NBEAL2: variants seen among roughly 807,000 people sequenced by gnomAD.
NBEAL2 encodes the protein neurobeachin like 2, also known as neurobeachin-like protein 2.
A neutral mutation model predicts 299.8 loss-of-function variants in NBEAL2; 160 were observed. That is an observed-to-expected ratio of 0.53 (90% CI 0.47 to 0.61). NBEAL2 has a LOEUF of 0.61. Ranked by LOEUF, NBEAL2 falls within the 20% of genes least tolerant of loss-of-function variation. The pLI, the probability that NBEAL2 is intolerant of heterozygous loss-of-function variation, is 0.00. For missense variants in NBEAL2, 3,112 were observed against 3,649.0 expected, an observed-to-expected ratio of 0.85 and a Z score of 3.79; for synonymous variants, 1,493 against 1,542.3, an observed-to-expected ratio of 0.97 and a Z score of 0.75.
Position 46,995,933 on chromosome 3 carries a change from A to C in NBEAL2, c.2033A>C (p.His678Pro). Residue 678 changes from histidine (H) to proline (P), a missense_variant and splice_region_variant, in exon 15 of 54, where the codon CAC (histidine) becomes CCC (proline). By Grantham distance (77) the His-to-Pro change is moderately conservative. Transcript: ENST00000450053. ...PEVSFADSAWHCVAIVHVPGR... is the reference protein window; with the variant it reads ...PEVSFADSAWPCVAIVHVPGR... The stretch of plus-strand genomic sequence containing the variant: ...CCTAATGTGAGGCTTCTGTTCTAGC[A>C]CTGCGTGGCTATCGTCCATGTGCCT... 6.2e-7 allele frequency: 1 copy of C among 1,613,376 alleles called. No individual in the cohort carries two copies.
At position 47,002,151 on chromosome 3, in the gene NBEAL2, C is replaced by T; in HGVS notation, c.5014C>T (p.Leu1672=). 6.5e-7 allele frequency: 1 copy of T among 1,543,114 alleles called. No individual in the cohort carries two copies. Among genetic ancestry groups the T allele is most frequent in the East Asian group, 2.5e-5 (1 of 40,794 alleles). ...SWLVPLVRTL[L]DRAYEPLGLQ... is the part of the protein sequence containing the mutation. ...GCTGGTGCCACTGGTGCGCACGCTG[C>T]TAGACCGTGCCTATGAGCCGCTGGG... Residue 1672 remains leucine (L), a synonymous_variant, in exon 31 of 54, where the codon CTA becomes TTA. Transcript: ENST00000450053.
rs528681375 is a variant in NBEAL2 at position 46,992,544 on chromosome 3, G to T, written c.1102G>T (p.Asp368Tyr). 1 of 1,598,106 alleles carries T rather than the reference G, an allele frequency of 6.3e-7. No homozygotes were observed. Residue 368 changes from aspartate to tyrosine, a missense_variant, in exon 10 of 54, where the codon GAT becomes TAT. This residue lies in a region of NBEAL2 where 2,243 missense variants were observed against 2,538.1 expected (regional missense o/e 0.88). Coordinates refer to ENST00000450053, the MANE Select transcript of NBEAL2 (RefSeq NM_015175.3). ...DLATRLLTEP[D>Y]VQKVLDQDTD... ...GGCTACCCGGTTACTGACTGAGCCC[G>T]ATGTCCAAAAGGTACCATCCTGGGG...
At position 46,995,174 on chromosome 3, in the gene NBEAL2, A is replaced by G; in HGVS notation, c.1439A>G (p.Asp480Gly). Residue 480 changes from aspartate to glycine, a missense_variant, in exon 13 of 54, where the codon GAC becomes GGC. Physicochemically the swap from Asp to Gly is moderately conservative, Grantham distance 94 (BLOSUM62 -1). Coordinates refer to ENST00000450053, the MANE Select transcript of NBEAL2 (RefSeq NM_015175.3). Reference sequence around the variant, plus strand: ...GCGCAACGCCTCAGGTGGCTCTGTGACAGCTGCCCTGCCAGCCGTGCCACC... The same window carrying G: ...GCGCAACGCCTCAGGTGGCTCTGTGGCAGCTGCCCTGCCAGCCGTGCCACC... ...FLAQRLRWLC[D>G]SCPASRATCV... 6.4e-7 allele frequency: 1 copy of G among 1,565,842 alleles called. No homozygotes were observed. Among genetic ancestry groups the G allele is most frequent in the South Asian group, 1.2e-5 (1 of 85,300 alleles).
At position 47,001,467 on chromosome 3, in the gene NBEAL2, C is replaced by A. The variant is rs1373688097; in HGVS notation, c.4644+29C>A. Reference sequence around the variant, plus strand: ...CGACCCCTCAGAGAGGCGTGAGCCACATGAACACTCATGTTCATGCAAGCC... The same window carrying A: ...CGACCCCTCAGAGAGGCGTGAGCCAAATGAACACTCATGTTCATGCAAGCC... On this transcript the variant is annotated intron_variant, in intron 29 of 53. Coordinates refer to ENST00000450053, the MANE Select transcript of NBEAL2 (RefSeq NM_015175.3). This position sits in a 1 kb window ranked among gnomAD's most constrained non-coding sequence, Gnocchi z 6.1. 6.2e-7 allele frequency: 1 copy of A among 1,601,706 alleles called. No individual in the cohort carries two copies.
In NBEAL2 at chr3:47,004,625, C is replaced by T. The variant is rs753619481; in HGVS notation, c.6294+35C>T. 36 of 1,590,792 alleles carry T rather than the reference C, an allele frequency of 2.3e-5. No homozygotes were observed. Among genetic ancestry groups the T allele is most frequent in the Non-Finnish European group, 9.5e-6 (11 of 1,159,562 alleles). On this transcript the variant is annotated intron_variant, in intron 38 of 53. Transcript: ENST00000450053. The surrounding 1 kb of genome is among the most constrained non-coding windows in gnomAD (Gnocchi z 5.0). ...CCACTCTGCACCCCTCCACCCCTGCCCCTCTGACCTGTCAGCCCTTGGTTC... is the reference window on the plus strand; with the variant it reads ...CCACTCTGCACCCCTCCACCCCTGCTCCTCTGACCTGTCAGCCCTTGGTTC...
rs2037333297 is a variant in NBEAL2, at chr3:47,005,192, T to G, written c.6431T>G (p.Phe2144Cys). ...AACTGTGGCCCCAGGTATGAAAGCT[T>G]TGAGGACCCAGCAGGGACCATTGAC... ...AQLVREKYES[F>C]EDPAGTIDKF... The change falls in exon 40 of 54, where the codon TTT becomes TGT. Residue 2144 changes from phenylalanine to cysteine, a missense_variant. By Grantham distance (205) the Phe-to-Cys change is radical (BLOSUM62 -2). Around this residue, in one of 3 missense-constraint regions of NBEAL2, gnomAD observed 521 missense variants for 729.6 expected, o/e 0.71. Transcript: ENST00000450053. The G allele has an allele frequency of 6.2e-7, 1 of 1,613,678 alleles. No individual in the cohort carries two copies. The highest frequency in any genetic ancestry group is 1.3e-5 in the African/African-American group (1 of 74,912).
Position 47,007,228 on chromosome 3 carries a change from C to T in NBEAL2, c.7225-13C>T. On this transcript the variant is annotated splice_polypyrimidine_tract_variant and intron_variant, in intron 46 of 53. Coordinates refer to ENST00000450053, the MANE Select transcript of NBEAL2 (RefSeq NM_015175.3). ...TCTGCCAGAAACCCACCTCTGCCCC[C>T]TCCTGCCTGCAGGTGACTGTGAGTG... 1 of 1,610,638 alleles carries T rather than the reference C, an allele frequency of 6.2e-7. No homozygotes were observed. The highest frequency in any genetic ancestry group is 8.5e-7 in the Non-Finnish European group (1 of 1,178,340).
chr3:47,004,807 C>A lies in NBEAL2; in HGVS notation c.6295-165C>A. The A allele has an allele frequency of 8.5e-7, 1 of 1,169,632 alleles. No individual in the cohort carries two copies. Among genetic ancestry groups the A allele is most frequent in the Non-Finnish European group, 1.2e-6 (1 of 829,092 alleles). 72.5% of individuals were successfully genotyped at this position (1,169,632 alleles called of 1,614,324 possible). A position where few individuals can be genotyped will look rare whatever the true frequency, so the allele number is the denominator to read the frequency against. ...CTAGCCTCTATTCCTCAAAAGGAATCCTGTTCCAGGACACTCTGTCCTTCT... is the reference window on the plus strand; with the variant it reads ...CTAGCCTCTATTCCTCAAAAGGAATACTGTTCCAGGACACTCTGTCCTTCT... On this transcript the variant is annotated intron_variant, in intron 38 of 53. Transcript: ENST00000450053. This position sits in a 1 kb window ranked among gnomAD's most constrained non-coding sequence, Gnocchi z 5.0.
At chr3:46,983,524 G>C (rs1233410008) in intron 1 of NBEAL2, among the ~76,000 whole-genome samples, 1 of 152,050 alleles carries the variant, frequency 6.6e-6, no homozygotes, top group Non-Finnish European at 1.5e-5. Flanking sequence ...TGGCTAGGCT[G>C]CTCTCAAACT....
At position 46,995,647 on chromosome 3, in the gene NBEAL2, A is replaced by G; in HGVS notation, c.1898+14A>G. On this transcript the variant is annotated intron_variant, in intron 13 of 53. Transcript: ENST00000450053. ...GCAGCTGTACAGGTGGGTGACTGCCAGGGGCCAGGGACCTCCTGCCAGGGT... is the reference window on the plus strand; with the variant it reads ...GCAGCTGTACAGGTGGGTGACTGCCGGGGGCCAGGGACCTCCTGCCAGGGT... The G allele has an allele frequency of 3.1e-6, 5 of 1,609,096 alleles. No homozygotes were observed. The highest frequency in any genetic ancestry group is 2.2e-5 in the East Asian group (1 of 44,766).
chr3:47,008,043 T>C, intron 49 of NBEAL2, 27 bp from the exon 50 acceptor site: 1 of 1,611,644 alleles, frequency 6.2e-7, no homozygotes, highest in Non-Finnish European at 8.5e-7. Context: ...CAGGGGACAG[T>C]CCTAAGCCAA....
chr3:47,005,310 G>T lies in NBEAL2; in HGVS notation c.6549G>T (p.Leu2183=). Residue 2183 remains leucine (L), a synonymous_variant, in exon 40 of 54, where the codon CTG becomes CTT. Transcript: ENST00000450053. ...CCTTCACCTCCCTGCACGTCCAGCTGCAAAGTGGCCGGTGCGGCCCAGGGG... is the reference window on the plus strand; with the variant it reads ...CCTTCACCTCCCTGCACGTCCAGCTTCAAAGTGGCCGGTGCGGCCCAGGGG... ...VEPFTSLHVQ[L]QSGRFDCSDR... 1 of 1,612,298 alleles carries T rather than the reference G, an allele frequency of 6.2e-7. No individual in the cohort carries two copies. The highest frequency in any genetic ancestry group is 1.7e-5 in the Admixed American group (1 of 59,866).
rs1238358405 is a variant in NBEAL2, at chr3:46,999,301, T to A, written c.3544-14T>A. On this transcript the variant is annotated splice_polypyrimidine_tract_variant and intron_variant, in intron 24 of 53. Coordinates refer to ENST00000450053, the MANE Select transcript of NBEAL2 (RefSeq NM_015175.3). ...CTTCCACATGATGACAGTCCTCCGA[T>A]GACCCCCACACAGATCCTGCGCAGA... 1 of 1,591,892 alleles carries A rather than the reference T, an allele frequency of 6.3e-7. No homozygotes were observed. The highest frequency in any genetic ancestry group is 2.2e-5 in the East Asian group (1 of 44,484).
At chr3:46,985,723 G>A (rs749909038) in intron 1 of NBEAL2, among the ~76,000 whole-genome samples, 7 of 152,332 alleles carry the variant, frequency 4.6e-5, no homozygotes, top group South Asian at 2.1e-4. Flanking sequence ...GGCTTGGCAG[G>A]TGTGGCTGCT....
intron 1 of NBEAL2, among the ~76,000 whole-genome samples, chr3:46,983,022 C>T (rs2035451398): frequency 1.3e-5 from 2 of 152,142 alleles, no homozygotes; most frequent in South Asian, 4.1e-4. Context: ...AGCAACCCCT[C>T]CAGTGAATGG....
In NBEAL2 at chr3:47,002,306, C is replaced by A. The variant is rs372837981; in HGVS notation, c.5151+18C>A. ...ACAAACAGGTGCCTGGAGGTTGGGG[C>A]CCAGGAAGAGGAGTGGGGGCTGGGG... is the stretch of plus-strand genomic sequence containing the variant. On this transcript the variant is annotated intron_variant, in intron 31 of 53. Coordinates refer to ENST00000450053, the MANE Select transcript of NBEAL2 (RefSeq NM_015175.3). 1.3e-6 allele frequency: 2 copies of A among 1,587,460 alleles called. No homozygotes were observed. The highest frequency in any genetic ancestry group is 2.3e-5 in the South Asian group (2 of 88,782).
chr3:47,009,541 T>G lies in NBEAL2; in HGVS notation c.*221T>G. The stretch of plus-strand genomic sequence containing the variant: ...GAGGGGCCGCCCTGAGGGCCAGCAC[T>G]GGCGTCTGCGGCCGCAGCAGCACTT... On this transcript the variant is annotated 3_prime_UTR_variant, in exon 54 of 54. Coordinates refer to ENST00000450053, the MANE Select transcript of NBEAL2 (RefSeq NM_015175.3). 1 of 566,040 alleles carries G rather than the reference T, an allele frequency of 1.8e-6. No individual in the cohort carries two copies. Among genetic ancestry groups the G allele is most frequent in the South Asian group, 2.1e-5 (1 of 46,588 alleles). 35.1% of individuals were successfully genotyped at this position (566,040 alleles called of 1,614,324 possible).
chr3:47,005,904 G>C (rs770987647), intron 42 of NBEAL2, 42 bp from the exon 43 acceptor site: 1 of 1,611,978 alleles, frequency 6.2e-7, no homozygotes, highest in East Asian at 2.2e-5. Flanking sequence ...GATCATGGGG[G>C]GTCAGCTGTC....
rs1242802994 is a variant in NBEAL2, at chr3:47,002,113, A to C, written c.4976A>C (p.Glu1659Ala). 1.3e-6 allele frequency: 2 copies of C among 1,550,206 alleles called. No homozygotes were observed. Among genetic ancestry groups the C allele is most frequent in the Admixed American group, 2.0e-5 (1 of 50,988 alleles). The change falls in exon 31 of 54, where the codon GAG (glutamate) becomes GCG (alanine). Residue 1659 changes from glutamate to alanine, a missense_variant. Physicochemically the swap from Glu to Ala is moderately radical, Grantham distance 107 (BLOSUM62 -1). Coordinates refer to ENST00000450053, the MANE Select transcript of NBEAL2 (RefSeq NM_015175.3). ...LAAAAAAAAA[E>A]RCSWLVPLVR... ...GCTGCAGCAGCTGCAGCAGCTGCAGAGCGCTGCTCCTGGCTGGTGCCACTG... is the reference window on the plus strand; with the variant it reads ...GCTGCAGCAGCTGCAGCAGCTGCAGCGCGCTGCTCCTGGCTGGTGCCACTG...
Sources: allele counts gnomAD v4.1 joint callset (sites outside exome capture counted in the v4.1 genomes callset), GRCh38; gene constraint gnomAD v4.1.1; regional missense constraint gnomAD v4.1.1; non-coding constraint Gnocchi (gnomAD v3.1); transcripts MANE v1.5; gene names NCBI Gene and HGNC (gene_info 2026-07-23, HGNC 2026-07-21).